TP53BP1: variants seen among roughly 807,000 people sequenced by gnomAD.
TP53BP1 encodes TP53-binding protein 1.
A neutral mutation model predicts 200.8 loss-of-function variants in TP53BP1; 61 were observed. That is an observed-to-expected ratio of 0.30 (90% CI 0.25 to 0.38). TP53BP1 has a LOEUF of 0.38. Among genes scored for constraint, TP53BP1 ranks in the 10% least tolerant of loss-of-function variants. The probability of loss-of-function intolerance (pLI) is 1.00; values close to 1 mark genes in which losing one functional copy is unlikely to be tolerated. For synonymous variants in TP53BP1, 822 were observed against 844.3 expected, an observed-to-expected ratio of 0.97 and a Z score of 0.46; for missense variants, 2,144 against 2,371.9, an observed-to-expected ratio of 0.90 and a Z score of 2.00.
At chr15:43,502,352 A>T (rs1050500000) in intron 1 of TP53BP1, among the ~76,000 whole-genome samples, 1 of 152,120 alleles carries the variant, frequency 6.6e-6, no homozygotes, top group Non-Finnish European at 1.5e-5. Flanking sequence ...TAAATAAATA[A>T]AATGATTGTA....
At chr15:43,495,431 G>GT (rs2079176180), upstream of TP53BP1, among the ~76,000 whole-genome samples, 3 of 151,408 alleles carry the variant, frequency 2.0e-5, no homozygotes, top group Admixed American at 2.0e-4. Flanking sequence ...CCCTGGAGGC[G>GT]TAGGTTACAG....
At chr15:43,466,246 A>G (rs2046577801) in intron 11 of TP53BP1, among the ~76,000 whole-genome samples, 1 of 152,244 alleles carries the variant, frequency 6.6e-6, no homozygotes, top group Non-Finnish European at 1.5e-5. Context: ...AGAGGGCAAC[A>G]GTACAGATTA....
chr15:43,418,892 G>A (rs900629929), intron 21 of TP53BP1, among the ~76,000 whole-genome samples: 6 of 152,162 alleles, frequency 3.9e-5, no homozygotes, highest in Non-Finnish European at 7.3e-5. Flanking sequence ...AAAAAGAAGA[G>A]AGTATGGAAA....
At chr15:43,451,860 C>T (rs969150388) in intron 12 of TP53BP1, among the ~76,000 whole-genome samples, 2 of 152,212 alleles carry the variant, frequency 1.3e-5, no homozygotes, top group South Asian at 2.1e-4. Context: ...TTTGGCCAGG[C>T]CCAGTGGCTC....
At chr15:43,479,349 T>TG in intron 7 of TP53BP1, 48 bp downstream of exon 7, 1 of 1,543,054 alleles carries the variant, frequency 6.5e-7, no homozygotes, top group Non-Finnish European at 8.7e-7. Context: ...GACATTAGTA[T>TG]AACCCTACAG....
At chr15:43,440,262 G>T (rs1410718373) in intron 15 of TP53BP1, among the ~76,000 whole-genome samples, 1 of 152,136 alleles carries the variant, frequency 6.6e-6, no homozygotes, top group Non-Finnish European at 1.5e-5. Context: ...GTTTGCCATT[G>T]TCCTCAACAC....
chr15:43,477,473 C>A, intron 8 of TP53BP1, 120 bp downstream of exon 8: 1 of 929,322 alleles, frequency 1.1e-6, no homozygotes, highest in Non-Finnish European at 1.6e-6. Context: ...GTTTTCCTTC[C>A]ATATCACAAA....
At chr15:43,493,893 A>G (rs922040840), upstream of TP53BP1, among the ~76,000 whole-genome samples, 3 of 152,198 alleles carry the variant, frequency 2.0e-5, no homozygotes, top group African/African-American at 7.2e-5. Flanking sequence ...AGAATTGAGC[A>G]CTGTCATTCT....
At chr15:43,486,289 T>C (rs1022449656) in intron 4 of TP53BP1, among the ~76,000 whole-genome samples, 1 of 152,102 alleles carries the variant, frequency 6.6e-6, no homozygotes, top group Non-Finnish European at 1.5e-5. Context: ...GGCAGGAGAA[T>C]CGCTTGAACC....
intron 12 of TP53BP1, among the ~76,000 whole-genome samples, chr15:43,450,063 C>T (rs901066021): frequency 1.3e-5 from 2 of 152,188 alleles, no homozygotes; most frequent in Non-Finnish European, 2.9e-5. Context: ...TTTAAATTAT[C>T]AAATCCCTTC....
chr15:43,508,927 AT>A (rs1364389930), intron 1 of TP53BP1, among the ~76,000 whole-genome samples: 1 of 152,118 alleles, frequency 6.6e-6, no homozygotes, highest in East Asian at 1.9e-4. Context: ...TCAGTGTGTG[AT>A]CCTTCCCTAT....
At chr15:43,486,065 G>C (rs1041334922) in intron 4 of TP53BP1, among the ~76,000 whole-genome samples, 1 of 151,930 alleles carries the variant, frequency 6.6e-6, no homozygotes. Context: ...AAAATTGAGA[G>C]GGTGAAAACA....
chr15:43,423,590 T>C (rs937590703), intron 18 of TP53BP1, among the ~76,000 whole-genome samples: 1 of 106,040 alleles, frequency 9.4e-6, no homozygotes, highest in African/African-American at 1.1e-4. Context: ...ACCTGGGAGA[T>C]GGAGCTGCAG....
intron 10 of TP53BP1, among the ~76,000 whole-genome samples, chr15:43,473,280 C>T (rs968958443): frequency 6.6e-6 from 1 of 152,158 alleles, no homozygotes; most frequent in African/African-American, 2.4e-5. Flanking sequence ...CTGGCTCGGG[C>T]AGCCTGCTTT....
chr15:43,475,129 T>C (rs935631331), intron 9 of TP53BP1, among the ~76,000 whole-genome samples: 1 of 152,110 alleles, frequency 6.6e-6, no homozygotes. Flanking sequence ...CTAATAATAG[T>C]CAGACCATGA....
chr15:43,499,070 A>T (rs980975679), intron 1 of TP53BP1, among the ~76,000 whole-genome samples: 9 of 152,154 alleles, frequency 5.9e-5, no homozygotes, highest in Non-Finnish European at 1.0e-4. Flanking sequence ...TTATGTTTCA[A>T]TGGAAAGAAG....
rs535745459 is a variant in TP53BP1 at position 43,486,862 on chromosome 15, G to A, written c.371+4807C>T. ...GCTGGTCTCAAACTCCTGAGCTCAA[G>A]TGATCCACCCGCCTTGGCCTCCCAA... On this transcript the variant is annotated intron_variant, in intron 4 of 27. Coordinates refer to ENST00000382044, the MANE Select transcript of TP53BP1 (RefSeq NM_001141980.3). Among the ~76,000 whole-genome samples, 5 of 152,254 alleles carry A rather than the reference G, an allele frequency of 3.3e-5. No homozygotes were observed. The South Asian group carries it at 1.0e-3, about 32-fold the overall frequency.
intron 16 of TP53BP1, among the ~76,000 whole-genome samples, chr15:43,436,945 T>A (rs1321666799): frequency 6.6e-6 from 1 of 151,464 alleles, no homozygotes; most frequent in Non-Finnish European, 1.5e-5. Flanking sequence ...GAGGATCACT[T>A]GAGCCCAGGC....
intron 12 of TP53BP1, among the ~76,000 whole-genome samples, chr15:43,454,369 C>CT (rs34866809): frequency 1.9e-4 from 28 of 147,488 alleles, no homozygotes; most frequent in East Asian, 8.0e-4. Context: ...TATAATAACT[C>CT]TTTTTTTTTT....
Sources: gnomAD v4.1 joint callset for allele counts (sites outside exome capture counted in the v4.1 genomes callset) on GRCh38, gnomAD v4.1.1 for gene constraint, MANE v1.5 for transcripts, NCBI Gene and HGNC (gene_info 2026-07-23, HGNC 2026-07-21) for gene names.